Variants in ARHGEF26 observed in about 807,000 individuals in gnomAD.
The protein encoded by ARHGEF26 is Rho guanine nucleotide exchange factor 26.
In ARHGEF26, 59 loss-of-function variants were observed where a neutral mutation model predicts 89.4. The observed-to-expected ratio is 0.66, with a 90% CI of 0.54 to 0.82. The LOEUF (loss-of-function observed/expected upper bound fraction) is 0.82, where lower values mean the gene tolerates loss of function less well. ARHGEF26 is among the 40% of genes least tolerant of loss of function. The pLI, the probability that ARHGEF26 is intolerant of heterozygous loss-of-function variation, is 0.00. For synonymous variants in ARHGEF26, 500 were observed against 428.4 expected, an observed-to-expected ratio of 1.17 and a Z score of -2.06; for missense variants, 1,234 against 1,085.6, an observed-to-expected ratio of 1.14 and a Z score of -1.92.
intron 6 of ARHGEF26, among the ~76,000 whole-genome samples, chr3:154,167,530 G>A (rs572357914): frequency 6.6e-6 from 1 of 152,190 alleles, no homozygotes; most frequent in South Asian, 2.1e-4. Flanking sequence ...TGCCATACTA[G>A]TCACATGTTA....
At chr3:154,148,511 T>A (rs1719823496) in intron 4 of ARHGEF26, among the ~76,000 whole-genome samples, 1 of 152,208 alleles carries the variant, frequency 6.6e-6, no homozygotes, top group South Asian at 2.1e-4. Flanking sequence ...CTCAGTAAAG[T>A]AGCTGTCATC....
At chr3:154,157,415 G>A (rs147983103) in intron 6 of ARHGEF26, among the ~76,000 whole-genome samples, 131 of 152,286 alleles carry the variant, frequency 8.6e-4, no homozygotes, top group African/African-American at 3.2e-3. Context: ...GAGCATGAGA[G>A]CAGATGTTCG....
At chr3:154,222,595 T>G (rs1342254752) in intron 10 of ARHGEF26, among the ~76,000 whole-genome samples, 2 of 152,238 alleles carry the variant, frequency 1.3e-5, no homozygotes, top group African/African-American at 4.8e-5. Flanking sequence ...AGACCTGATT[T>G]ATAGTAAACA....
At chr3:154,203,337 A>G (rs1157631973) in intron 9 of ARHGEF26, among the ~76,000 whole-genome samples, 2 of 152,148 alleles carry the variant, frequency 1.3e-5, no homozygotes, top group Non-Finnish European at 2.9e-5. Context: ...CCTGCATCCC[A>G]GGGATGAAGC....
chr3:154,181,388 C>G (rs1713173993), intron 6 of ARHGEF26, among the ~76,000 whole-genome samples: 1 of 152,144 alleles, frequency 6.6e-6, no homozygotes, highest in African/African-American at 2.4e-5. Flanking sequence ...GATACTGCAG[C>G]CATTTAGATT....
rs776030783 is a variant in ARHGEF26 at position 154,152,789 on chromosome 3, A to G, written c.1344A>G (p.Ile448Met). ...RKRQEAIFEV[I>M]SSEHSYLLSL... ...CTTACCAGGCTATCTTTGAAGTCAT[A>G]TCCTCTGAACATTCATATTTACTCA... Residue 448 changes from isoleucine (I) to methionine (M), a missense_variant, in exon 6 of 15, where the codon ATA becomes ATG. Physicochemically the swap from Ile to Met is conservative, Grantham distance 10. Coordinates refer to ENST00000465093, the MANE Select transcript of ARHGEF26 (RefSeq NM_015595.4). 2.0e-6 allele frequency: 3 copies of G among 1,529,832 alleles called. No homozygotes were observed. In the East Asian group the frequency reaches 7.3e-5, roughly 37 times the overall value. The allele number at this position is 1,529,832 out of a possible 1,614,324, so 94.8% of individuals were successfully genotyped here.
rs377358417 is a variant in ARHGEF26 at position 154,204,576 on chromosome 3, C to T, written c.1845+9858C>T. 3.8e-4 allele frequency among the ~76,000 whole-genome samples: 57 copies of T among 151,956 alleles called. 1 individual carries two copies. Among genetic ancestry groups the T allele is most frequent in the Non-Finnish European group, 1.8e-4 (12 of 67,986 alleles). ...ATCTCCTGGTCTCCAGTGATCCCCC[C>T]GCCTCGGCCTACCAAAGTGCTGGGA... On this transcript the variant is annotated intron_variant, in intron 9 of 14. Transcript: ENST00000465093.
chr3:154,204,235 GTA>G (rs1275462254), intron 9 of ARHGEF26, among the ~76,000 whole-genome samples: 2 of 151,088 alleles, frequency 1.3e-5, no homozygotes, highest in Admixed American at 1.3e-4. Flanking sequence ...GGTGGTATGT[GTA>G]TGGGAATTTT....
chr3:154,144,204 G>A (rs1411877218), intron 4 of ARHGEF26, among the ~76,000 whole-genome samples: 1 of 152,206 alleles, frequency 6.6e-6, no homozygotes, highest in Non-Finnish European at 1.5e-5. Flanking sequence ...TTAGAAGGCA[G>A]TGTGCTACAG....
At chr3:154,248,614 A>C (rs528749660) in intron 12 of ARHGEF26, among the ~76,000 whole-genome samples, 1 of 152,278 alleles carries the variant, frequency 6.6e-6, no homozygotes, top group East Asian at 1.9e-4. Flanking sequence ...CCCCAATAGG[A>C]CAAGAGGTCT....
At chr3:154,189,470 T>TG (rs1176050444) in intron 7 of ARHGEF26, among the ~76,000 whole-genome samples, 3 of 151,826 alleles carry the variant, frequency 2.0e-5, no homozygotes, top group African/African-American at 7.3e-5. Context: ...CCCGTGTAGC[T>TG]GGGACTACAA....
intron 7 of ARHGEF26, among the ~76,000 whole-genome samples, chr3:154,188,164 G>A (rs1054715035): frequency 2.6e-5 from 4 of 152,178 alleles, no homozygotes; most frequent in African/African-American, 9.7e-5. Context: ...TGGCAATTAA[G>A]TGGTTTTCCT....
intron 9 of ARHGEF26, among the ~76,000 whole-genome samples, chr3:154,213,294 G>T (rs1453624792): frequency 6.6e-6 from 1 of 150,968 alleles, no homozygotes; most frequent in African/African-American, 2.4e-5. Context: ...TATTAGGCCT[G>T]GGACAAAAGC....
At chr3:154,141,783 A>G (rs761367637) in intron 4 of ARHGEF26, among the ~76,000 whole-genome samples, 1 of 152,190 alleles carries the variant, frequency 6.6e-6, no homozygotes, top group African/African-American at 2.4e-5. Flanking sequence ...GCAGTGTACT[A>G]TAGTATTTTT....
intron 6 of ARHGEF26, among the ~76,000 whole-genome samples, chr3:154,164,516 A>T (rs1711877689): frequency 6.6e-6 from 1 of 152,106 alleles, no homozygotes; most frequent in African/African-American, 2.4e-5. Flanking sequence ...ACTTTGAAAA[A>T]AATTTTGGTG....
Position 154,129,555 on chromosome 3 carries a change from A to G in ARHGEF26, c.1124-19A>G, listed in dbSNP as rs546158318. The G allele has an allele frequency of 4.1e-5, 66 of 1,608,382 alleles. No individual in the cohort carries two copies. The South Asian group carries it at 7.0e-4, about 17-fold the overall frequency. ...TGATTGAGAACAATTAGTGACACAT[A>G]GGCCTTGTTTTCTTGCAGAAAATGC... On this transcript the variant is annotated intron_variant, in intron 3 of 14. Transcript: ENST00000465093.
At chr3:154,136,940 T>G (rs961784530) in intron 4 of ARHGEF26, among the ~76,000 whole-genome samples, 5 of 152,200 alleles carry the variant, frequency 3.3e-5, no homozygotes, top group African/African-American at 1.2e-4. Context: ...CACATTTAGC[T>G]CACATCATGG....
chr3:154,234,097 T>C (rs1716969224), intron 11 of ARHGEF26, among the ~76,000 whole-genome samples: 1 of 152,218 alleles, frequency 6.6e-6, no homozygotes, highest in South Asian at 2.1e-4. Flanking sequence ...GCTGCTTGGG[T>C]TTCCATCTGT....
rs553871523 is a variant in ARHGEF26, at chr3:154,174,312, T to C, written c.1488-13373T>C. 7.9e-5 allele frequency among the ~76,000 whole-genome samples: 12 copies of C among 152,320 alleles called. No homozygotes were observed. The South Asian group carries it at 2.1e-3, about 26-fold the overall frequency. On this transcript the variant is annotated intron_variant, in intron 6 of 14. Coordinates refer to ENST00000465093, the MANE Select transcript of ARHGEF26 (RefSeq NM_015595.4). Reference sequence around the variant, plus strand: ...GGTGCACTTCCTTAATTTTTAAATGTTTGGAGCTAATTTAGGTTTTTAAAA... The same window carrying C: ...GGTGCACTTCCTTAATTTTTAAATGCTTGGAGCTAATTTAGGTTTTTAAAA...
Sources: gnomAD v4.1 joint callset for allele counts (sites outside exome capture counted in the v4.1 genomes callset) on GRCh38, gnomAD v4.1.1 for gene constraint, MANE v1.5 for transcripts, NCBI Gene and HGNC (gene_info 2026-07-23, HGNC 2026-07-21) for gene names.